Variants in RARS1 observed in about 807,000 individuals in gnomAD.
RARS1 encodes arginyl-tRNA synthetase 1.
RARS1 carries 75 observed loss-of-function variants against 78.7 expected under a neutral mutation model. The ratio of observed to expected loss-of-function variants is 0.95; its 90% CI spans 0.79 to 1.15. The LOEUF (loss-of-function observed/expected upper bound fraction) is 1.15. RARS1 is among the 50% of genes most tolerant of loss of function. The probability of loss-of-function intolerance (pLI) is 0.00; values close to 1 mark genes in which losing one functional copy is unlikely to be tolerated. For synonymous variants in RARS1, 273 were observed against 268.2 expected (o/e 1.02, Z -0.18); for missense variants, 787 against 787.5 (o/e 1.00, Z 0.01).
intron 1 of RARS1, among the ~76,000 whole-genome samples, chr5:168,487,328 T>C (rs1757987142): frequency 6.6e-6 from 1 of 151,626 alleles, no homozygotes; most frequent in African/African-American, 2.4e-5. Flanking sequence ...AGCACACCAC[T>C]GCACCACAGC....
rs762527103 is a variant in RARS1 at position 168,516,903 on chromosome 5, C to CA, written c.1579dup (p.Arg527LysfsTer14). Reference sequence around the variant, plus strand: ...TCTCCTTTGACAAAATGCTAGATGACAGAGGAAATACAGCTGCTTACTTGT... The same window carrying CA: ...TCTCCTTTGACAAAATGCTAGATGACAAGAGGAAATACAGCTGCTTACTTGT... On this transcript the variant is annotated frameshift_variant, in exon 13 of 15. Coordinates refer to ENST00000231572, the MANE Select transcript of RARS1 (RefSeq NM_002887.4). LOFTEE classifies it high-confidence loss of function. 6 of 1,613,954 alleles carry CA rather than the reference C, an allele frequency of 3.7e-6. No individual in the cohort carries two copies. Among genetic ancestry groups the CA allele is most frequent in the Non-Finnish European group, 5.1e-6 (6 of 1,180,006 alleles).
intron 7 of RARS1, among the ~76,000 whole-genome samples, chr5:168,497,736 G>A (rs17732015): frequency 0.041 from 6,218 of 151,922 alleles, 428 homozygotes; most frequent in Admixed American, 0.18. Context: ...CTGAAAAACT[G>A]AATTCTTTTT....
chr5:168,488,378 T>A, intron 1 of RARS1: 1 of 469,028 alleles, frequency 2.1e-6, no homozygotes, highest in Non-Finnish European at 3.8e-6. Flanking sequence ...TCCACCTGCC[T>A]AGGCCTCCCA....
At chr5:168,509,168 C>T (rs1413767987) in intron 11 of RARS1, among the ~76,000 whole-genome samples, 5 of 151,964 alleles carry the variant, frequency 3.3e-5, no homozygotes, top group Non-Finnish European at 5.9e-5. Flanking sequence ...TTTGACTGGT[C>T]TTCATGATGA....
intron 9 of RARS1, among the ~76,000 whole-genome samples, chr5:168,505,771 A>G (rs969998524): frequency 4.6e-5 from 7 of 152,000 alleles, no homozygotes; most frequent in Non-Finnish European, 8.8e-5. Flanking sequence ...TAAGTGTGGA[A>G]AACTGCCAGA....
chr5:168,503,543 T>C (rs1403718381), intron 9 of RARS1, among the ~76,000 whole-genome samples: 2 of 152,216 alleles, frequency 1.3e-5, no homozygotes, highest in Non-Finnish European at 2.9e-5. Context: ...ATTTTTGTAG[T>C]GCTCAAATTG....
intron 12 of RARS1, among the ~76,000 whole-genome samples, chr5:168,511,400 T>C (rs1005355614): frequency 6.6e-6 from 1 of 151,878 alleles, no homozygotes; most frequent in Non-Finnish European, 1.5e-5. Context: ...TTCACATGGC[T>C]AAAGCAGGAG....
chr5:168,504,354 T>C (rs1419722331), intron 9 of RARS1, among the ~76,000 whole-genome samples: 1 of 151,530 alleles, frequency 6.6e-6, no homozygotes, highest in Non-Finnish European at 1.5e-5. Flanking sequence ...TGAAACCCCG[T>C]GTCTACTAAA....
intron 9 of RARS1, among the ~76,000 whole-genome samples, chr5:168,503,720 T>C (rs1758376195): frequency 6.6e-6 from 1 of 152,080 alleles, no homozygotes; most frequent in South Asian, 2.1e-4. Flanking sequence ...CCTGTTTCCT[T>C]GAATGGGAGT....
intron 4 of RARS1, 142 bp from the exon 5 acceptor site, chr5:168,494,408 C>T: frequency 6.8e-7 from 1 of 1,460,108 alleles, no homozygotes; most frequent in South Asian, 1.4e-5. Flanking sequence ...GCTTACAAGA[C>T]AGCTTAAGTC....
At chr5:168,494,699 G>A (rs748739491) in intron 5 of RARS1, 49 bp downstream of exon 5, 5 of 1,298,398 alleles carry the variant, frequency 3.9e-6, no homozygotes, top group Non-Finnish European at 5.5e-6. Context: ...GAACTGCGTG[G>A]AACCAAGCAT....
intron 2 of RARS1, among the ~76,000 whole-genome samples, chr5:168,492,345 C>A (rs550771258): frequency 6.6e-6 from 1 of 152,032 alleles, no homozygotes; most frequent in Non-Finnish European, 1.5e-5. Flanking sequence ...AAATTATTTT[C>A]TCAGAGATTT....
chr5:168,495,584 G>T, intron 6 of RARS1, 148 bp downstream of exon 6: 2 of 1,290,952 alleles, frequency 1.5e-6, no homozygotes, highest in Non-Finnish European at 2.0e-6. Context: ...CACCCAGTAA[G>T]CTTTTAAAAT....
rs3756602 is a variant in RARS1, at chr5:168,493,064, A to G, written c.369+217A>G. 0.13 allele frequency: 57,630 copies of G among 450,012 alleles called. 4,202 individuals are homozygous for G. The highest frequency in any genetic ancestry group is 0.2 in the South Asian group (4,793 of 24,534). 27.9% of individuals were successfully genotyped at this position (450,012 alleles called of 1,614,324 possible). A position where few individuals can be genotyped will look rare whatever the true frequency, so the allele number is the denominator to read the frequency against. On this transcript the variant is annotated intron_variant, in intron 3 of 14. Coordinates refer to ENST00000231572, the MANE Select transcript of RARS1 (RefSeq NM_002887.4). Reference sequence around the variant, plus strand: ...GTTAAATTTTATATGTATTCTCAATATTTAAGGGCAATCATTGGTACTCTT... The same window carrying G: ...GTTAAATTTTATATGTATTCTCAATGTTTAAGGGCAATCATTGGTACTCTT...
intron 11 of RARS1, among the ~76,000 whole-genome samples, chr5:168,509,270 A>C (rs1228380381): frequency 6.6e-6 from 1 of 152,166 alleles, no homozygotes; most frequent in Non-Finnish European, 1.5e-5. Flanking sequence ...TATTTGTGGG[A>C]TAATAAAGGA....
chr5:168,497,115 T>C, intron 6 of RARS1, 113 bp from the exon 7 acceptor site: 2 of 808,276 alleles, frequency 2.5e-6, no homozygotes, highest in East Asian at 6.4e-5. Context: ...TACTAAATGG[T>C]GATGTACTGG....
chr5:168,491,151 A>G (rs755513294), intron 2 of RARS1, among the ~76,000 whole-genome samples: 143 of 152,232 alleles, frequency 9.4e-4, no homozygotes, highest in Non-Finnish European at 1.2e-3. Context: ...AAATAAATAC[A>G]TAAAAATAAA....
At position 168,492,737 on chromosome 5, in the gene RARS1, G is replaced by T; in HGVS notation, c.259G>T (p.Ala87Ser). The T allele has an allele frequency of 6.2e-7, 1 of 1,613,128 alleles. No individual in the cohort carries two copies. Among genetic ancestry groups the T allele is most frequent in the Middle Eastern group, 1.6e-4 (1 of 6,062 alleles). Residue 87 changes from alanine (A) to serine (S), a missense_variant, in exon 3 of 15, where the codon GCA becomes TCA. Transcript: ENST00000231572. ...CCGCCTACAAGAGGTCTTTGGTCAT[G>T]CAATTAAGGCTGCATATCCAGATTT... ...ISRLQEVFGH[A>S]IKAAYPDLEN...
chr5:168,506,274 T>G (rs1758442768), intron 10 of RARS1, 75 bp downstream of exon 10: 4 of 1,152,650 alleles, frequency 3.5e-6, no homozygotes, highest in Admixed American at 2.6e-5. Context: ...TGGTGACATC[T>G]GACACTGGAT....
Sources: allele counts gnomAD v4.1 joint callset (sites outside exome capture counted in the v4.1 genomes callset), GRCh38; gene constraint gnomAD v4.1.1; transcripts MANE v1.5; gene names NCBI Gene and HGNC (gene_info 2026-07-23, HGNC 2026-07-21).